The following PITPNM3 variants were observed in gnomAD, a reference collection of about 807,000 sequenced individuals.
PITPNM3 encodes PITPNM family member 3, also known as membrane-associated phosphatidylinositol transfer protein 3.
In PITPNM3, 26 loss-of-function variants were observed where a neutral mutation model predicts 102.0. The observed-to-expected ratio is 0.25, with a 90% CI of 0.19 to 0.35. PITPNM3 has a LOEUF of 0.35. Among genes scored for constraint, PITPNM3 ranks in the 10% least tolerant of loss-of-function variants. PITPNM3 has a pLI of 1.00. For missense variants in PITPNM3, 1,083 were observed against 1,346.1 expected, an observed-to-expected ratio of 0.80 and a Z score of 3.06; for synonymous variants, 578 against 558.6, an observed-to-expected ratio of 1.03 and a Z score of -0.49.
chr17:6,465,178 C>T (rs1187278100), intron 14 of PITPNM3, among the ~76,000 whole-genome samples: 1 of 152,216 alleles, frequency 6.6e-6, no homozygotes, highest in African/African-American at 2.4e-5. Context: ...TCCTGCGTAG[C>T]TGGGATTACA....
chr17:6,486,772 G>GACA (rs1380018510), intron 4 of PITPNM3, among the ~76,000 whole-genome samples: 1 of 152,174 alleles, frequency 6.6e-6, no homozygotes, highest in African/African-American at 2.4e-5. Context: ...GATAACACAA[G>GACA]ACAACAGTAA....
intron 2 of PITPNM3, among the ~76,000 whole-genome samples, chr17:6,529,028 A>G (rs567198254): frequency 6.6e-6 from 1 of 152,190 alleles, no homozygotes; most frequent in South Asian, 2.1e-4. Context: ...TGTCTCCTGC[A>G]TGCTAATTCT....
chr17:6,536,526 G>C (rs567692324), intron 2 of PITPNM3, among the ~76,000 whole-genome samples: 10 of 152,162 alleles, frequency 6.6e-5, no homozygotes, highest in Admixed American at 2.0e-4. Flanking sequence ...CCTCAGGGAA[G>C]GGGTTCCCCG....
In PITPNM3 at chr17:6,513,008, G is replaced by GCA. The variant is rs536293580; in HGVS notation, c.227-9435_227-9434insTG. On this transcript the variant is annotated intron_variant, in intron 3 of 19. Transcript: ENST00000262483. ...ATTCAGTATGTGAAAATCAATCGAT[G>GCA]TAACGTACCATATTGATAGAATAAA... Among the ~76,000 whole-genome samples the GCA allele has an allele frequency of 5.1e-3, 770 of 151,450 alleles. 11 individuals are homozygous for GCA. The highest frequency in any genetic ancestry group is 4.1e-3 in the Non-Finnish European group (277 of 67,934).
intron 4 of PITPNM3, among the ~76,000 whole-genome samples, chr17:6,487,525 T>A (rs1450889763): frequency 6.6e-6 from 1 of 152,174 alleles, no homozygotes; most frequent in African/African-American, 2.4e-5. Flanking sequence ...GGCATGCTCC[T>A]CGGCCTTGCT....
chr17:6,491,494 T>C (rs988789681), intron 4 of PITPNM3, among the ~76,000 whole-genome samples: 6 of 152,098 alleles, frequency 3.9e-5, no homozygotes, highest in African/African-American at 1.4e-4. Context: ...AGGAGCCCAA[T>C]TTGCAAAGAT....
intron 4 of PITPNM3, among the ~76,000 whole-genome samples, chr17:6,484,530 T>C (rs1035000270): frequency 6.6e-6 from 1 of 152,190 alleles, no homozygotes; most frequent in African/African-American, 2.4e-5. Context: ...CCATCGCGGA[T>C]GGTGCTCCTG....
In PITPNM3 at chr17:6,455,634, C is replaced by T. The variant is rs751420916; in HGVS notation, c.2629G>A (p.Glu877Lys). 1.4e-6 allele frequency: 2 copies of T among 1,474,472 alleles called. No homozygotes were observed. The highest frequency in any genetic ancestry group is 2.2e-5 in the African/African-American group (1 of 46,048). 91.3% of individuals were successfully genotyped at this position (1,474,472 alleles called of 1,614,324 possible). The change falls in exon 20 of 20, where the codon GAG becomes AAG. Residue 877 changes from glutamate (E) to lysine (K), a missense_variant. Transcript: ENST00000262483. ...KYQTQCQFLS[E>K]GYAAHLAALE... ...GCGGCCAGGTGTGCGGCGTAGCCCT[C>T]GCTCAGGAACTGCGGAGGGCAGGGG... is the stretch of plus-strand genomic sequence containing the variant.
At chr17:6,542,241 T>C (rs1909768967) in intron 1 of PITPNM3, among the ~76,000 whole-genome samples, 1 of 152,192 alleles carries the variant, frequency 6.6e-6, no homozygotes, top group Non-Finnish European at 1.5e-5. Flanking sequence ...TGTCTGGGTA[T>C]CCTTGTGTCT....
chr17:6,471,488 C>T (rs931017096), intron 11 of PITPNM3, 133 bp from the exon 12 acceptor site: 15 of 874,114 alleles, frequency 1.7e-5, no homozygotes, highest in African/African-American at 5.1e-5. Flanking sequence ...CTTGCCAGCC[C>T]AGCAGGCACC....
chr17:6,489,928 C>T (rs1239726651), intron 4 of PITPNM3, among the ~76,000 whole-genome samples: 2 of 151,448 alleles, frequency 1.3e-5, no homozygotes, highest in Admixed American at 6.6e-5. Flanking sequence ...CGCTTGAACC[C>T]GGCAGGCAGA....
rs1267877638 is a variant in PITPNM3, at chr17:6,458,436, C to A, written c.2491-714G>T. Among the ~76,000 whole-genome samples the A allele has an allele frequency of 6.6e-6, 1 of 152,188 alleles. No homozygotes were observed. The highest frequency in any genetic ancestry group is 6.5e-5 in the Admixed American group (1 of 15,276). ...GTCACAAGCTTTCCTTCCTGCCAAG[C>A]CCCACCATCACTGGGATGACCCACG... On this transcript the variant is annotated intron_variant, in intron 18 of 19. Transcript: ENST00000262483. The surrounding 1 kb of genome is among the most constrained non-coding windows in gnomAD (Gnocchi z 5.1).
chr17:6,500,650 C>T (rs545341242), intron 4 of PITPNM3, among the ~76,000 whole-genome samples: 11 of 152,110 alleles, frequency 7.2e-5, no homozygotes, highest in South Asian at 2.1e-4. Flanking sequence ...TCTGCACATA[C>T]GCTGTCATTC....
intron 1 of PITPNM3, among the ~76,000 whole-genome samples, chr17:6,554,318 CAAAAAAA>C (rs35188321): frequency 1.3e-5 from 1 of 74,556 alleles, no homozygotes. Flanking sequence ...GACTCCATCT[CAAAAAAA>C]AAAAAAAAAA....
chr17:6,527,246 T>C (rs571746843), intron 2 of PITPNM3, among the ~76,000 whole-genome samples: 2 of 152,372 alleles, frequency 1.3e-5, no homozygotes, highest in African/African-American at 4.8e-5. Context: ...AGCAGAATTA[T>C]GAAGAGGTTA....
intron 3 of PITPNM3, among the ~76,000 whole-genome samples, chr17:6,523,571 C>T (rs1394283370): frequency 6.6e-6 from 1 of 152,198 alleles, no homozygotes; most frequent in Non-Finnish European, 1.5e-5. Flanking sequence ...CTTTAGCAGA[C>T]AAGTGGGGAT....
chr17:6,489,652 T>C (rs923144739), intron 4 of PITPNM3, among the ~76,000 whole-genome samples: 3 of 152,080 alleles, frequency 2.0e-5, no homozygotes, highest in Admixed American at 2.0e-4. Context: ...GAGGCTACTA[T>C]GAGGAGCAGG....
intron 9 of PITPNM3, 56 bp downstream of exon 9, chr17:6,476,972 GC>G: frequency 6.3e-7 from 1 of 1,586,860 alleles, no homozygotes; most frequent in Non-Finnish European, 8.6e-7. Flanking sequence ...ACTGGTCACA[GC>G]CCTCCCAGTT....
In PITPNM3 at chr17:6,454,952, G is replaced by C. The variant is rs1914017899; in HGVS notation, c.*386C>G. 2 of 242,666 alleles carry C rather than the reference G, an allele frequency of 8.2e-6. No individual in the cohort carries two copies. Among genetic ancestry groups the C allele is most frequent in the African/African-American group, 4.5e-5 (2 of 44,122 alleles). The allele number at this position is 242,666 out of a possible 1,614,324, so 15.0% of individuals were successfully genotyped here. On this transcript the variant is annotated 3_prime_UTR_variant, in exon 20 of 20. Transcript: ENST00000262483. ...GCCTGCCAGCGGCGCTTGGTGCCGA[G>C]GCTGGGGCTGCCCCCTTGAGGGCCT...
Sources: gnomAD v4.1 joint callset for allele counts (sites outside exome capture counted in the v4.1 genomes callset) on GRCh38, gnomAD v4.1.1 for gene constraint, Gnocchi (gnomAD v3.1) non-coding constraint, MANE v1.5 for transcripts, NCBI Gene and HGNC (gene_info 2026-07-23, HGNC 2026-07-21) for gene names.